Variants in TATDN2 observed in about 807,000 individuals in gnomAD.
The protein encoded by TATDN2 is TatD DNase domain containing 2.
A neutral mutation model predicts 60.3 loss-of-function variants in TATDN2; 44 were observed. That is an observed-to-expected ratio of 0.73 (90% CI 0.57 to 0.94). The LOEUF is 0.94. TATDN2 is among the 40% of genes least tolerant of loss of function. The pLI is 0.00. For synonymous variants in TATDN2, 399 were observed against 355.8 expected, an observed-to-expected ratio of 1.12 and a Z score of -1.37; for missense variants, 997 against 948.0, an observed-to-expected ratio of 1.05 and a Z score of -0.68.
Position 10,260,500 on chromosome 3 carries a change from G to A in TATDN2, c.778G>A (p.Glu260Lys), listed in dbSNP as rs779967912. ...CGCAACCCCAGAGGTCAGCATGGAG[G>A]AGGATAAGACAGTGCCAGAGAGGAG... is the stretch of plus-strand genomic sequence containing the variant. ...KDATPEVSME[E>K]DKTVPERSSF... Residue 260 changes from glutamate to lysine, a missense_variant, in exon 3 of 8, where the codon GAG (glutamate) becomes AAG (lysine). Physicochemically the swap from Glu to Lys is moderately conservative, Grantham distance 56. Transcript: ENST00000448281. The A allele has an allele frequency of 6.2e-7, 1 of 1,614,082 alleles. No homozygotes were observed. The highest frequency in any genetic ancestry group is 8.5e-7 in the Non-Finnish European group (1 of 1,179,942).
Position 10,278,684 on chromosome 3 carries a change from G to C in TATDN2, c.2146-201G>C. On this transcript the variant is annotated intron_variant, in intron 6 of 7. Transcript: ENST00000448281. The surrounding 1 kb of genome is among the most constrained non-coding windows in gnomAD (Gnocchi z 4.7). ...TCCAGGCAGTGCAAAGCCCTACCCT[G>C]TAGAGGGTAGTCCAAGGAAGCGTGG... is the stretch of plus-strand genomic sequence containing the variant. The C allele has an allele frequency of 1.0e-6, 1 of 972,808 alleles. No homozygotes were observed. The highest frequency in any genetic ancestry group is 1.6e-6 in the Non-Finnish European group (1 of 630,832). The allele number at this position is 972,808 out of a possible 1,614,324, so 60.3% of individuals were successfully genotyped here. A position where few individuals can be genotyped will look rare whatever the true frequency, so the allele number is the denominator to read the frequency against.
chr3:10,256,709 T>G (rs893990153), intron 2 of TATDN2, among the ~76,000 whole-genome samples: 3 of 152,076 alleles, frequency 2.0e-5, no homozygotes, highest in Non-Finnish European at 2.9e-5. Context: ...CTCAGTTTGT[T>G]GCAGATCTCA....
rs1033390150 is a variant in TATDN2 at position 10,278,779 on chromosome 3, G to T, written c.2146-106G>T. 1 of 1,552,804 alleles carries T rather than the reference G, an allele frequency of 6.4e-7. No homozygotes were observed. Among genetic ancestry groups the T allele is most frequent in the African/African-American group, 1.4e-5 (1 of 74,024 alleles). On this transcript the variant is annotated intron_variant, in intron 6 of 7. Transcript: ENST00000448281. The surrounding 1 kb of genome is among the most constrained non-coding windows in gnomAD (Gnocchi z 4.7). The stretch of plus-strand genomic sequence containing the variant: ...CCTGCAGGTAAAGGGGTCTCTACAG[G>T]GCAGCCCCAAAGAGGTCCTTGCTGG...
intron 4 of TATDN2, among the ~76,000 whole-genome samples, chr3:10,272,717 C>T (rs922244105): frequency 2.0e-5 from 3 of 151,920 alleles, no homozygotes; most frequent in Non-Finnish European, 4.4e-5. Flanking sequence ...TGGCGAAACC[C>T]CGTCTCTATT....
chr3:10,262,497 T>G, intron 3 of TATDN2, among the ~76,000 whole-genome samples: 1 of 151,784 alleles, frequency 6.6e-6, no homozygotes, highest in East Asian at 1.9e-4. Flanking sequence ...TTGTTTGGGA[T>G]TTTGAAGGCA....
At chr3:10,277,874 C>G (rs957085849) in intron 5 of TATDN2, among the ~76,000 whole-genome samples, 6 of 152,110 alleles carry the variant, frequency 3.9e-5, no homozygotes, top group African/African-American at 1.2e-4. Context: ...AGTTCGACTC[C>G]CCAGTATTTT....
At position 10,249,093 on chromosome 3, in the gene TATDN2, GC is replaced by G. The variant is rs1698178043; in HGVS notation, c.-7+29del. ...GTCAGTGAGGCTAGCCCCTGGCTCT[GC>G]CCTTATGTCTTGCCGTCCTCCTGGG... is the stretch of plus-strand genomic sequence containing the variant. On this transcript the variant is annotated intron_variant, in intron 1 of 7. Transcript: ENST00000448281. 13 of 1,372,194 alleles carry G rather than the reference GC, an allele frequency of 9.5e-6. No individual in the cohort carries two copies. In the South Asian group the frequency reaches 1.9e-4, roughly 20 times the overall value. 85.0% of individuals were successfully genotyped at this position (1,372,194 alleles called of 1,614,324 possible).
Position 10,278,268 on chromosome 3 carries a change from T to G in TATDN2, c.1962-11T>G. On this transcript the variant is annotated splice_polypyrimidine_tract_variant and intron_variant, in intron 5 of 7. Transcript: ENST00000448281. This position sits in a 1 kb window ranked among gnomAD's most constrained non-coding sequence, Gnocchi z 4.7. ...ACTGTGAGCAGCCCTGATGTGGAGT[T>G]CTGTCTCCAGGCATTGCTTCACCGG... 2.5e-6 allele frequency: 4 copies of G among 1,611,824 alleles called. No individual in the cohort carries two copies. The highest frequency in any genetic ancestry group is 3.4e-6 in the Non-Finnish European group (4 of 1,178,582).
At chr3:10,251,842 C>T (rs1420756787) in intron 2 of TATDN2, among the ~76,000 whole-genome samples, 1 of 143,350 alleles carries the variant, frequency 7.0e-6, no homozygotes, top group Non-Finnish European at 1.5e-5. Context: ...CCACCACACC[C>T]TGCAGATTAA....
intron 5 of TATDN2, 89 bp downstream of exon 5, chr3:10,276,577 A>G: frequency 1.3e-6 from 2 of 1,495,030 alleles, no homozygotes; most frequent in Middle Eastern, 1.8e-4. Context: ...TTCTGTCATT[A>G]TACACTATCT....
At chr3:10,267,453 GT>G (rs1484289881) in intron 3 of TATDN2, among the ~76,000 whole-genome samples, 1 of 115,602 alleles carries the variant, frequency 8.7e-6, no homozygotes, top group African/African-American at 4.3e-5. Flanking sequence ...AAATTTCCCT[GT>G]TTGTTTGATG....
rs1698666232 is a variant in TATDN2, at chr3:10,278,234, G to A, written c.1962-45G>A. Reference sequence around the variant, plus strand: ...GGTGTGGGGGGAGCTGGGGGCTGCTGCAGAGGGGACTGTGAGCAGCCCTGA... The same window carrying A: ...GGTGTGGGGGGAGCTGGGGGCTGCTACAGAGGGGACTGTGAGCAGCCCTGA... On this transcript the variant is annotated intron_variant, in intron 5 of 7. Coordinates refer to ENST00000448281, the MANE Select transcript of TATDN2 (RefSeq NM_014760.4). This position sits in a 1 kb window ranked among gnomAD's most constrained non-coding sequence, Gnocchi z 4.7. The A allele has an allele frequency of 6.3e-7, 1 of 1,587,036 alleles. No homozygotes were observed. Among genetic ancestry groups the A allele is most frequent in the Admixed American group, 1.7e-5 (1 of 58,910 alleles).
At chr3:10,250,586 G>A (rs147161192) in intron 2 of TATDN2, among the ~76,000 whole-genome samples, 1 of 152,266 alleles carries the variant, frequency 6.6e-6, no homozygotes, top group Non-Finnish European at 1.5e-5. Flanking sequence ...TAGCCTTGGT[G>A]GTTTCTTTTG....
intron 3 of TATDN2, among the ~76,000 whole-genome samples, chr3:10,262,837 T>C (rs1417281415): frequency 6.6e-6 from 1 of 152,110 alleles, no homozygotes; most frequent in East Asian, 1.9e-4. Flanking sequence ...GCCTGGCCTC[T>C]TCTGGTTTTC....
chr3:10,267,552 T>C (rs1391230953), intron 3 of TATDN2, among the ~76,000 whole-genome samples: 4 of 152,234 alleles, frequency 2.6e-5, no homozygotes, highest in Admixed American at 6.5e-5. Flanking sequence ...CTCTATAGAT[T>C]CATCCTTTTC....
intron 2 of TATDN2, among the ~76,000 whole-genome samples, chr3:10,254,582 T>G (rs1402703179): frequency 6.6e-6 from 1 of 152,154 alleles, no homozygotes; most frequent in African/African-American, 2.4e-5. Context: ...TAGGCAAATG[T>G]GGAGCCCTGG....
chr3:10,263,874 TA>T (rs1407795379), intron 3 of TATDN2, among the ~76,000 whole-genome samples: 1 of 152,184 alleles, frequency 6.6e-6, no homozygotes, highest in Non-Finnish European at 1.5e-5. Context: ...CGGGAGAATA[TA>T]ACCCTCTTCC....
Position 10,278,812 on chromosome 3 carries a change from A to G in TATDN2, c.2146-73A>G, listed in dbSNP as rs1698676809. 3.1e-6 allele frequency: 5 copies of G among 1,608,506 alleles called. No homozygotes were observed. In the South Asian group the frequency reaches 5.5e-5, roughly 18 times the overall value. On this transcript the variant is annotated intron_variant, in intron 6 of 7. Coordinates refer to ENST00000448281, the MANE Select transcript of TATDN2 (RefSeq NM_014760.4). The surrounding 1 kb of genome is among the most constrained non-coding windows in gnomAD (Gnocchi z 4.7). ...CAAAGAGGTCCTTGCTGGGGAAGGG[A>G]CAGGGAGGGAGTTCTAGATTATGAC...
chr3:10,249,008 A>T lies in TATDN2; in HGVS notation c.-66A>T. On this transcript the variant is annotated 5_prime_UTR_variant, in exon 1 of 8. Coordinates refer to ENST00000448281, the MANE Select transcript of TATDN2 (RefSeq NM_014760.4). ...TTTGGATCGCTTTGACTTCTCCAAC[A>T]CGGTTTGGCATCTCTGAAACCTTGA... The T allele has an allele frequency of 1.7e-6, 1 of 580,350 alleles. No homozygotes were observed. Among genetic ancestry groups the T allele is most frequent in the Non-Finnish European group, 2.6e-6 (1 of 385,102 alleles). The allele number at this position is 580,350 out of a possible 1,614,324, so 36.0% of individuals were successfully genotyped here.
Sources: allele counts gnomAD v4.1 joint callset (sites outside exome capture counted in the v4.1 genomes callset), GRCh38; gene constraint gnomAD v4.1.1; non-coding constraint Gnocchi (gnomAD v3.1); transcripts MANE v1.5; gene names NCBI Gene and HGNC (gene_info 2026-07-23, HGNC 2026-07-21).